The following SEZ6L variants were observed in gnomAD, a reference collection of about 807,000 sequenced individuals.
The protein encoded by SEZ6L is seizure 6-like protein.
A neutral mutation model predicts 106.2 loss-of-function variants in SEZ6L; 37 were observed. The observed-to-expected ratio is 0.35, with a 90% CI of 0.27 to 0.46. The LOEUF (loss-of-function observed/expected upper bound fraction) is 0.46. SEZ6L is among the 20% of genes least tolerant of loss of function. SEZ6L has a pLI of 1.00. For synonymous variants in SEZ6L, 541 were observed against 570.4 expected, an observed-to-expected ratio of 0.95 and a Z score of 0.73; for missense variants, 1,172 against 1,332.8, an observed-to-expected ratio of 0.88 and a Z score of 1.88.
chr22:26,206,805 A>C (rs1325242733), intron 1 of SEZ6L, among the ~76,000 whole-genome samples: 13 of 152,228 alleles, frequency 8.5e-5, no homozygotes, highest in Admixed American at 5.2e-4. Flanking sequence ...TTATCAGAGA[A>C]AGTTAGATGA....
intron 16 of SEZ6L, among the ~76,000 whole-genome samples, chr22:26,378,475 C>T (rs2084304901): frequency 6.6e-6 from 1 of 152,186 alleles, no homozygotes; most frequent in Non-Finnish European, 1.5e-5. Context: ...TCTTGCTTCC[C>T]TCGAACCTCT....
intron 16 of SEZ6L, among the ~76,000 whole-genome samples, chr22:26,379,417 G>A (rs2084341629): frequency 6.6e-6 from 1 of 152,242 alleles, no homozygotes; most frequent in African/African-American, 2.4e-5. Flanking sequence ...CCCAGAAGGT[G>A]GGGATCATGG....
chr22:26,192,791 AAGAC>A (rs1182219132), intron 1 of SEZ6L, among the ~76,000 whole-genome samples: 1 of 152,236 alleles, frequency 6.6e-6, no homozygotes, highest in Non-Finnish European at 1.5e-5. Flanking sequence ...TAATTGGATG[AAGAC>A]AGACAGATTA....
intron 10 of SEZ6L, among the ~76,000 whole-genome samples, chr22:26,344,105 G>C (rs1269059292): frequency 1.3e-5 from 2 of 152,164 alleles, no homozygotes; most frequent in Non-Finnish European, 2.9e-5. Flanking sequence ...GTGGTCACTA[G>C]GGAATTCTGA....
Position 26,368,863 on chromosome 22 carries a change from T to C in SEZ6L, c.2794+3297T>C, listed in dbSNP as rs2083906855. On this transcript the variant is annotated intron_variant, in intron 13 of 16. Transcript: ENST00000248933. Reference sequence around the variant, plus strand: ...GAAGGAGAAGCTCAGAGAAGTTAAGTGATTTTCCCAAAGCCACACAGCTAG... The same window carrying C: ...GAAGGAGAAGCTCAGAGAAGTTAAGCGATTTTCCCAAAGCCACACAGCTAG... 1.3e-5 allele frequency among the ~76,000 whole-genome samples: 2 copies of C among 152,154 alleles called. 1 individual carries two copies. Among genetic ancestry groups the C allele is most frequent in the Middle Eastern group, 6.8e-3 (2 of 292 alleles).
intron 12 of SEZ6L, among the ~76,000 whole-genome samples, chr22:26,356,286 A>G (rs528027818): frequency 1.4e-4 from 22 of 152,236 alleles, no homozygotes; most frequent in Non-Finnish European, 3.1e-4. Context: ...ACAGCATAGT[A>G]GCCATTTGAA....
chr22:26,281,685 C>A (rs2080775540), intron 1 of SEZ6L, among the ~76,000 whole-genome samples: 1 of 152,262 alleles, frequency 6.6e-6, no homozygotes, highest in South Asian at 2.1e-4. Flanking sequence ...GCCTTCTTTT[C>A]TTTAGAAATT....
intron 10 of SEZ6L, among the ~76,000 whole-genome samples, chr22:26,346,208 A>G (rs986441342): frequency 1.3e-5 from 2 of 151,428 alleles, no homozygotes; most frequent in African/African-American, 4.9e-5. Flanking sequence ...TTTTGGTTTT[A>G]TTATTGTTTT....
intron 1 of SEZ6L, among the ~76,000 whole-genome samples, chr22:26,171,602 G>A (rs921682911): frequency 3.9e-5 from 6 of 152,224 alleles, no homozygotes; most frequent in Admixed American, 2.6e-4. Context: ...CACATTGTAA[G>A]AGCAGGGGGA....
chr22:26,357,980 C>T (rs2083492588), intron 12 of SEZ6L, among the ~76,000 whole-genome samples: 1 of 152,190 alleles, frequency 6.6e-6, no homozygotes, highest in Non-Finnish European at 1.5e-5. Context: ...CCCTGGTTCT[C>T]ACAGCCCTGA....
At chr22:26,175,624 AAGG>A (rs1938935260) in intron 1 of SEZ6L, among the ~76,000 whole-genome samples, 1 of 152,200 alleles carries the variant, frequency 6.6e-6, no homozygotes, top group Non-Finnish European at 1.5e-5. Flanking sequence ...CAGTTGAGGA[AAGG>A]AGAAGACCTC....
chr22:26,217,555 G>A (rs75613392), intron 1 of SEZ6L, among the ~76,000 whole-genome samples: 2,324 of 152,266 alleles, frequency 0.015, 52 homozygotes, highest in African/African-American at 0.054. Flanking sequence ...TGGGGTATCC[G>A]TCTATTAGTG....
At chr22:26,190,111 GAAAGAAAAGAAAAAAGA>G (rs1940094618) in intron 1 of SEZ6L, among the ~76,000 whole-genome samples, 1 of 150,276 alleles carries the variant, frequency 6.7e-6, no homozygotes, top group Admixed American at 6.6e-5. Context: ...AAAAAAAGAA[GAAAGAAAAGAAAAAAGA>G]AAAGAAAAGA....
intron 1 of SEZ6L, among the ~76,000 whole-genome samples, chr22:26,275,819 C>T (rs188674965): frequency 6.6e-6 from 1 of 152,304 alleles, no homozygotes. Flanking sequence ...CTCCTTCATC[C>T]CCAGGACTCC....
chr22:26,335,083 G>A (rs1401874724), intron 9 of SEZ6L, among the ~76,000 whole-genome samples: 1 of 152,134 alleles, frequency 6.6e-6, no homozygotes, highest in Non-Finnish European at 1.5e-5. Context: ...TGCTTACAAA[G>A]GTCCGATTCC....
In SEZ6L at chr22:26,292,595, A is replaced by G; in HGVS notation, c.284A>G (p.Asp95Gly). The G allele has an allele frequency of 1.2e-6, 2 of 1,613,600 alleles. No individual in the cohort carries two copies. The highest frequency in any genetic ancestry group is 1.7e-6 in the Non-Finnish European group (2 of 1,179,816). ...GGGACCGCACCCTCTGCACATCACG[A>G]CATCCCAGCCCTGTCACCGCTGCTT... Reference protein sequence around the residue: ...LDGTAPSAHHDIPALSPLLPE... With the variant: ...LDGTAPSAHHGIPALSPLLPE... Residue 95 changes from aspartate to glycine, a missense_variant, in exon 2 of 17, where the codon GAC becomes GGC. Transcript: ENST00000248933.
intron 1 of SEZ6L, among the ~76,000 whole-genome samples, chr22:26,291,976 A>AAAGG (rs56887152): frequency 0.013 from 1,545 of 123,218 alleles, 42 homozygotes; most frequent in Admixed American, 0.05. Flanking sequence ...GTCTTCAGGA[A>AAAGG]AAGGAAGGAA....
rs540580517 is a variant in SEZ6L, at chr22:26,369,008, A to C, written c.2794+3442A>C. On this transcript the variant is annotated intron_variant, in intron 13 of 16. Transcript: ENST00000248933. Reference sequence around the variant, plus strand: ...GCAGCATGGAAACCTAGGTGTGTTCACACATTCCCGAATCTAACCCAGATC... The same window carrying C: ...GCAGCATGGAAACCTAGGTGTGTTCCCACATTCCCGAATCTAACCCAGATC... Among the ~76,000 whole-genome samples, 4 of 152,282 alleles carry C rather than the reference A, an allele frequency of 2.6e-5. No homozygotes were observed. In the South Asian group the frequency reaches 6.2e-4, roughly 24 times the overall value.
At chr22:26,262,632 G>A (rs904278847) in intron 1 of SEZ6L, among the ~76,000 whole-genome samples, 9 of 152,122 alleles carry the variant, frequency 5.9e-5, no homozygotes, top group Non-Finnish European at 1.2e-4. Context: ...GCTTGTAATG[G>A]GTGACAAAAC....
Sources: allele counts gnomAD v4.1 joint callset (sites outside exome capture counted in the v4.1 genomes callset), GRCh38; gene constraint gnomAD v4.1.1; transcripts MANE v1.5; gene names NCBI Gene and HGNC (gene_info 2026-07-23, HGNC 2026-07-21).